MAF: variants seen among roughly 807,000 people sequenced by gnomAD.
MAF encodes transcription factor Maf.
A neutral mutation model predicts 22.0 loss-of-function variants in MAF; 10 were observed. That is an observed-to-expected ratio of 0.45 (90% confidence interval 0.28 to 0.77). The LOEUF (loss-of-function observed/expected upper bound fraction) is 0.77, where lower values mean the gene tolerates loss of function less well. Ranked by LOEUF, MAF falls within the 30% of genes least tolerant of loss-of-function variation. The pLI, the probability that MAF is intolerant of heterozygous loss-of-function variation, is 0.12. For missense variants in MAF, 544 were observed against 548.4 expected (o/e 0.99, Z 0.08); for synonymous variants, 337 against 255.8 (o/e 1.32, Z -3.03).
the MAF span, among the ~76,000 whole-genome samples, chr16:79,443,887 A>C: frequency 6.6e-5 from 10 of 152,200 alleles, no homozygotes; most frequent in Non-Finnish European, 5.9e-5. Context: ...ATGTCCCGCA[A>C]ATGGTAAAGC....
the MAF span, among the ~76,000 whole-genome samples, chr16:79,539,151 T>C: frequency 6.6e-6 from 1 of 152,240 alleles, no homozygotes; most frequent in African/African-American, 2.4e-5. Flanking sequence ...TCCTGTGGTA[T>C]TTGTGGTAGT....
the MAF span, among the ~76,000 whole-genome samples, chr16:79,406,793 G>C: frequency 3.0e-4 from 45 of 152,292 alleles, no homozygotes; most frequent in African/African-American, 1.1e-3. Flanking sequence ...TGGTGCTCCA[G>C]ATCTCTTTCT....
the MAF span, among the ~76,000 whole-genome samples, chr16:79,458,109 AGT>A: frequency 0.011 from 1,483 of 136,414 alleles, 22 homozygotes; most frequent in Admixed American, 0.018. Context: ...GGTATGTATA[AGT>A]GTGTGTGTGT....
chr16:79,599,891 T>G lies in MAF; in HGVS notation c.12A>C (p.Glu4Asp). The change falls in exon 1 of 2, where the codon GAA becomes GAC. Residue 4 changes from glutamate to aspartate, a missense_variant. Around this residue, in one of 5 missense-constraint regions of MAF, gnomAD observed 63 missense variants for 72.7 expected, o/e 0.87. Coordinates refer to ENST00000326043, the MANE Select transcript of MAF (RefSeq NM_005360.5). MAS[E>D]LAMSNSDLPT... ...GCAGGTCGGAGTTGCTCATTGCCAG[T>G]TCTGATGCCATTCTCCTGCCGCCGC... The G allele has an allele frequency of 6.3e-7, 1 of 1,593,982 alleles. No individual in the cohort carries two copies. The highest frequency in any genetic ancestry group is 8.5e-7 in the Non-Finnish European group (1 of 1,177,420).
At chr16:79,315,230 C>T in the MAF span, among the ~76,000 whole-genome samples, 1 of 151,990 alleles carries the variant, frequency 6.6e-6, no homozygotes, top group Admixed American at 6.6e-5. Context: ...AAGAGCCAGG[C>T]AATAACACAA....
chr16:79,211,466 C>G, the MAF span: 2,824 of 1,029,656 alleles, frequency 2.7e-3, 52 homozygotes, highest in African/African-American at 0.04. Context: ...GTGCTTTCAG[C>G]CCAGTACCCT....
chr16:79,233,499 C>G, the MAF span, among the ~76,000 whole-genome samples: 1 of 151,958 alleles, frequency 6.6e-6, no homozygotes, highest in African/African-American at 2.4e-5. Context: ...TGTGAATAAT[C>G]AAGACACAAG....
chr16:79,448,614 A>T, the MAF span, among the ~76,000 whole-genome samples: 5 of 151,900 alleles, frequency 3.3e-5, no homozygotes, highest in Non-Finnish European at 1.5e-5. Context: ...TTTAGTAGAG[A>T]CAGGGTTTCA....
chr16:79,558,032 G>A, the MAF span, among the ~76,000 whole-genome samples: 2 of 151,854 alleles, frequency 1.3e-5, no homozygotes, highest in South Asian at 4.2e-4. Context: ...CTTCTCTCAT[G>A]CACCTTCACA....
the MAF span, among the ~76,000 whole-genome samples, chr16:79,448,237 G>A: frequency 7.9e-5 from 12 of 151,988 alleles, no homozygotes; most frequent in East Asian, 1.9e-4. Context: ...CTTCATTGTC[G>A]TCCTATTGTA....
In MAF at chr16:79,596,410, A is replaced by G. The variant is rs1172911036; in HGVS notation, c.1119-1857T>C. 13 of 1,057,290 alleles carry G rather than the reference A, an allele frequency of 1.2e-5. No homozygotes were observed. The African/African-American group carries it at 2.1e-4, about 17-fold the overall frequency. The allele number at this position is 1,057,290 out of a possible 1,614,324, so 65.5% of individuals were successfully genotyped here. A position where few individuals can be genotyped will look rare whatever the true frequency, so the allele number is the denominator to read the frequency against. ...AGGAATCCTTCCACTGGAGAAAAGG[A>G]TGCATTTTACACTTTTAACGAGGTT... On this transcript the variant is annotated intron_variant, in intron 1 of 1. Transcript: ENST00000326043.
the MAF span, among the ~76,000 whole-genome samples, chr16:79,402,224 G>C: frequency 2.0e-5 from 3 of 152,166 alleles, no homozygotes; most frequent in Admixed American, 6.5e-5. Flanking sequence ...AAGCAAGTGA[G>C]GATTAAATAA....
chr16:79,416,044 C>T, the MAF span, among the ~76,000 whole-genome samples: 2 of 152,130 alleles, frequency 1.3e-5, no homozygotes, highest in Non-Finnish European at 2.9e-5. Flanking sequence ...CGCCCGAGCA[C>T]AGCACCTGTC....
chr16:79,315,236 C>T, the MAF span, among the ~76,000 whole-genome samples: 1 of 152,040 alleles, frequency 6.6e-6, no homozygotes, highest in Non-Finnish European at 1.5e-5. Context: ...CAGGCAATAA[C>T]ACAACAATAA....
the MAF span, among the ~76,000 whole-genome samples, chr16:79,265,134 T>C: frequency 3.3e-5 from 5 of 152,322 alleles, no homozygotes; most frequent in African/African-American, 1.2e-4. Context: ...CACATGGATA[T>C]TGCATAAATG....
the MAF span, among the ~76,000 whole-genome samples, chr16:79,412,158 A>T: frequency 6.6e-6 from 1 of 152,188 alleles, no homozygotes; most frequent in Non-Finnish European, 1.5e-5. Context: ...GACTGGGGGT[A>T]ATTTAGAAAT....
chr16:79,245,094 G>T, the MAF span, among the ~76,000 whole-genome samples: 1 of 151,928 alleles, frequency 6.6e-6, no homozygotes, highest in African/African-American at 2.4e-5. Context: ...TTAAATGTAA[G>T]ACCTAAAACC....
the MAF span, among the ~76,000 whole-genome samples, chr16:79,209,896 A>G: frequency 1.3e-5 from 2 of 152,220 alleles, no homozygotes; most frequent in African/African-American, 2.4e-5. Context: ...GATGACATGA[A>G]CTCATTTCCA....
At chr16:79,529,985 A>T in the MAF span, among the ~76,000 whole-genome samples, 4 of 152,076 alleles carry the variant, frequency 2.6e-5, no homozygotes, top group Non-Finnish European at 5.9e-5. Flanking sequence ...ATGTTATTTT[A>T]ACTTAATTTT....
Sources: gnomAD v4.1 joint callset for allele counts (sites outside exome capture counted in the v4.1 genomes callset) on GRCh38, gnomAD v4.1.1 for gene constraint, gnomAD v4.1.1 regional missense constraint, MANE v1.5 for transcripts, NCBI Gene and HGNC (gene_info 2026-07-23, HGNC 2026-07-21) for gene names.